The following KCNN3 variants were observed in gnomAD, a reference collection of about 807,000 sequenced individuals.
The protein encoded by KCNN3 is potassium calcium-activated channel subfamily N member 3.
Under a neutral mutation model 62.9 loss-of-function variants are expected in KCNN3, and 16 were observed. The ratio of observed to expected loss-of-function variants is 0.25; its 90% confidence interval spans 0.17 to 0.39. KCNN3 has a LOEUF of 0.39. Among genes scored for constraint, KCNN3 ranks in the 10% least tolerant of loss-of-function variants. The pLI is 1.00. For synonymous variants in KCNN3, 370 were observed against 389.2 expected (o/e 0.95, Z 0.58); for missense variants, 599 against 949.4 (o/e 0.63, Z 4.85).
intron 3 of KCNN3, among the ~76,000 whole-genome samples, chr1:154,767,092 G>A (rs1225486549): frequency 6.6e-5 from 10 of 152,134 alleles, no homozygotes; most frequent in Non-Finnish European, 1.5e-4. Flanking sequence ...CTGCTGGCAA[G>A]TGCAGGCCTG....
At chr1:154,755,763 AGAGGT>A (rs1647641524) in intron 3 of KCNN3, among the ~76,000 whole-genome samples, 2 of 73,658 alleles carry the variant, frequency 2.7e-5, no homozygotes, top group South Asian at 5.8e-4. Context: ...AAGGAGGAGG[AGAGGT>A]GGAGGAGGAG....
At chr1:154,712,993 G>A (rs1321811508) in intron 7 of KCNN3, among the ~76,000 whole-genome samples, 1 of 152,134 alleles carries the variant, frequency 6.6e-6, no homozygotes, top group Non-Finnish European at 1.5e-5. Context: ...CCGCCAATTT[G>A]AGGCCAGCAA....
intron 2 of KCNN3, among the ~76,000 whole-genome samples, chr1:154,773,575 G>A (rs542037537): frequency 2.1e-4 from 32 of 152,248 alleles, no homozygotes; most frequent in Admixed American, 3.3e-4. Flanking sequence ...AACTCCAGGC[G>A]GACAATCAGG....
chr1:154,812,584 C>T (rs1650460235), intron 2 of KCNN3, among the ~76,000 whole-genome samples: 1 of 152,148 alleles, frequency 6.6e-6, no homozygotes. Flanking sequence ...AGCACTTGTT[C>T]CCCATGACTT....
Position 154,870,203 on chromosome 1 carries a change from G to C in KCNN3, c.-239C>G. On this transcript the variant is annotated 5_prime_UTR_variant, in exon 1 of 8. Transcript: ENST00000271915. Reference sequence around the variant, plus strand: ...GAGGGGAGCTTGGAGAAAGAAGAGGGGGTGAAAGAACTCTCTCAGGAGGTG... The same window carrying C: ...GAGGGGAGCTTGGAGAAAGAAGAGGCGGTGAAAGAACTCTCTCAGGAGGTG... The C allele has an allele frequency of 1.5e-6, 1 of 689,124 alleles. No homozygotes were observed. Among genetic ancestry groups the C allele is most frequent in the Non-Finnish European group, 2.7e-6 (1 of 376,394 alleles). 42.7% of individuals were successfully genotyped at this position (689,124 alleles called of 1,614,324 possible).
chr1:154,855,415 C>T (rs1036720529), intron 1 of KCNN3, among the ~76,000 whole-genome samples: 1 of 152,196 alleles, frequency 6.6e-6, no homozygotes, highest in African/African-American at 2.4e-5. Context: ...CAGCAACCTC[C>T]AGTCCTGCAA....
At chr1:154,765,799 T>TG (rs1433505287) in intron 3 of KCNN3, among the ~76,000 whole-genome samples, 1 of 151,280 alleles carries the variant, frequency 6.6e-6, no homozygotes, top group Non-Finnish European at 1.5e-5. Flanking sequence ...TTTTTTGGTT[T>TG]TTTTTTGTTT....
At chr1:154,737,016 A>C (rs1033690632) in intron 3 of KCNN3, 1 of 701,836 alleles carries the variant, frequency 1.4e-6, no homozygotes, top group Non-Finnish European at 2.6e-6. Flanking sequence ...GAGCTTCGTC[A>C]TGGAGATAAG....
At position 154,698,984 on chromosome 1, in the gene KCNN3, A is replaced by G. The variant is rs1699796640; in HGVS notation, c.*8992T>C. On this transcript the variant is annotated 3_prime_UTR_variant, in exon 8 of 8. Coordinates refer to ENST00000271915, the MANE Select transcript of KCNN3 (RefSeq NM_002249.6). ...TGGGCACTAGACTGAACAAATTTTT[A>G]GCTATTGCCTTATGGGAACCACAGA... The G allele has an allele frequency of 6.6e-6, 1 of 152,204 alleles. No individual in the cohort carries two copies. The highest frequency in any genetic ancestry group is 2.4e-5 in the African/African-American group (1 of 41,450). The allele number at this position is 152,204 out of a possible 1,614,324, so 9.4% of individuals were successfully genotyped here. A position where few individuals can be genotyped will look rare whatever the true frequency, so the allele number is the denominator to read the frequency against.
rs575300191 is a variant in KCNN3 at position 154,749,148 on chromosome 1, G to C, written c.1449-16004C>G. ...TTATAATGAGCCATGCTTCCCAGGA[G>C]AGTAAGACAGAGCCAGGGCTGCCCT... On this transcript the variant is annotated intron_variant, in intron 3 of 7. Coordinates refer to ENST00000271915, the MANE Select transcript of KCNN3 (RefSeq NM_002249.6). 2.4e-4 allele frequency among the ~76,000 whole-genome samples: 37 copies of C among 152,350 alleles called. 1 individual carries two copies. Among genetic ancestry groups the C allele is most frequent in the Non-Finnish European group, 4.1e-4 (28 of 68,032 alleles).
intron 1 of KCNN3, among the ~76,000 whole-genome samples, chr1:154,827,208 T>C (rs1387893158): frequency 6.6e-6 from 1 of 152,242 alleles, no homozygotes; most frequent in Non-Finnish European, 1.5e-5. Context: ...CCAAAATTGA[T>C]TGATATTCAA....
chr1:154,765,183 G>A (rs999090527), intron 3 of KCNN3, among the ~76,000 whole-genome samples: 5 of 152,278 alleles, frequency 3.3e-5, no homozygotes, highest in South Asian at 4.1e-4. Flanking sequence ...AGAGGAATCC[G>A]TTTCGATCTG....
In KCNN3 at chr1:154,736,993, C is replaced by G. The variant is rs1481960496; in HGVS notation, c.1449-3849G>C. On this transcript the variant is annotated intron_variant, in intron 3 of 7. Transcript: ENST00000271915. ...AGATGAATTGGACATGCACCCTGCT[C>G]TCCAGTGGCTTGGAGCTTCGTCATG... 4 of 701,082 alleles carry G rather than the reference C, an allele frequency of 5.7e-6. No individual in the cohort carries two copies. In the African/African-American group the frequency reaches 7.0e-5, roughly 12 times the overall value. The allele number at this position is 701,082 out of a possible 1,614,324, so 43.4% of individuals were successfully genotyped here. A position where few individuals can be genotyped will look rare whatever the true frequency, so the allele number is the denominator to read the frequency against.
intron 3 of KCNN3, among the ~76,000 whole-genome samples, chr1:154,760,889 C>T (rs1647978375): frequency 7.3e-6 from 1 of 137,488 alleles, no homozygotes; most frequent in African/African-American, 2.8e-5. Flanking sequence ...AAAGGCGCCC[C>T]GCGGCCCTGT....
chr1:154,755,819 G>A (rs1284639223), intron 3 of KCNN3, among the ~76,000 whole-genome samples: 1 of 136,758 alleles, frequency 7.3e-6, no homozygotes, highest in African/African-American at 2.8e-5. Context: ...AGAAGGCAAA[G>A]AAGAAGAAGG....
intron 1 of KCNN3, 28 bp from the exon 2 acceptor site, chr1:154,822,212 AG>A: frequency 6.6e-7 from 1 of 1,515,668 alleles, no homozygotes; most frequent in Non-Finnish European, 9.2e-7. Flanking sequence ...AGAGAGAATT[AG>A]GGAGTGCGGG....
At chr1:154,753,550 A>T (rs1647486708) in intron 3 of KCNN3, among the ~76,000 whole-genome samples, 1 of 152,172 alleles carries the variant, frequency 6.6e-6, no homozygotes, top group Admixed American at 6.5e-5. Context: ...ATACCCCAAA[A>T]GCCCTGCCAC....
At chr1:154,755,341 T>C (rs567642204) in intron 3 of KCNN3, among the ~76,000 whole-genome samples, 20 of 151,864 alleles carry the variant, frequency 1.3e-4, no homozygotes, top group Middle Eastern at 6.8e-3. Flanking sequence ...TGGTGGCTTA[T>C]GCCTGTAGTC....
chr1:154,805,176 T>C (rs577501251), intron 2 of KCNN3, among the ~76,000 whole-genome samples: 4 of 152,172 alleles, frequency 2.6e-5, no homozygotes, highest in African/African-American at 9.6e-5. Context: ...ACCTGGGCGT[T>C]CAGGGAAAAG....
Sources: gnomAD v4.1 joint callset for allele counts (sites outside exome capture counted in the v4.1 genomes callset) on GRCh38, gnomAD v4.1.1 for gene constraint, MANE v1.5 for transcripts, NCBI Gene and HGNC (gene_info 2026-07-23, HGNC 2026-07-21) for gene names.